DIP2C: variants seen among roughly 807,000 people sequenced by gnomAD.
DIP2C encodes DIP2 acetate--CoA ligase C (putative), also known as disco-interacting protein 2 homolog C.
DIP2C carries 33 observed loss-of-function variants against 192.4 expected under a neutral mutation model. The observed-to-expected ratio is 0.17, with a 90% CI of 0.13 to 0.23. The LOEUF is 0.23. DIP2C is among the 10% of genes least tolerant of loss of function. DIP2C has a pLI of 1.00. For missense variants in DIP2C, 1,537 were observed against 2,110.1 expected (o/e 0.73, Z 5.32); for synonymous variants, 979 against 864.1 (o/e 1.13, Z -2.33).
chr10:471,835 C>T (rs1970654943), intron 3 of DIP2C, among the ~76,000 whole-genome samples: 1 of 152,120 alleles, frequency 6.6e-6, no homozygotes, highest in South Asian at 2.1e-4. Flanking sequence ...TCACTGCAAC[C>T]TCCGCCTCCC....
intron 1 of DIP2C, among the ~76,000 whole-genome samples, chr10:526,907 C>A (rs956777612): frequency 6.6e-6 from 1 of 152,200 alleles, no homozygotes; most frequent in South Asian, 2.1e-4. Flanking sequence ...ACCAGCCCTC[C>A]GCCTGTCCAG....
chr10:459,697 T>C (rs941826451), intron 3 of DIP2C, among the ~76,000 whole-genome samples: 2 of 149,380 alleles, frequency 1.3e-5, no homozygotes, highest in African/African-American at 5.0e-5. Flanking sequence ...ACGTGGGCTC[T>C]AGGATCTTCC....
chr10:408,947 G>C lies in DIP2C; in HGVS notation c.1128C>G (p.Pro376=). 6.2e-7 allele frequency: 1 copy of C among 1,614,222 alleles called. No homozygotes were observed. Among genetic ancestry groups the C allele is most frequent in the Middle Eastern group, 1.6e-4 (1 of 6,062 alleles). Residue 376 remains proline, a synonymous_variant, in exon 9 of 37, where the codon CCC becomes CCG. Coordinates refer to ENST00000280886, the MANE Select transcript of DIP2C (RefSeq NM_014974.3). The part of the protein sequence containing the change: ...ILHKLGTKQE[P]MVRPGDRVAL... ...TTACCCTATCTCCAGGCCGGACCAT[G>C]GGTTCCTGCTTTGTGCCTAATTTGT...
At chr10:414,843 CAT>C (rs1473315737) in intron 7 of DIP2C, among the ~76,000 whole-genome samples, 9 of 110,742 alleles carry the variant, frequency 8.1e-5, no homozygotes, top group African/African-American at 1.8e-4. Flanking sequence ...TATACACACA[CAT>C]ATATATTTGT....
intron 1 of DIP2C, among the ~76,000 whole-genome samples, chr10:642,136 C>T (rs1855226082): frequency 6.6e-6 from 1 of 152,164 alleles, no homozygotes; most frequent in African/African-American, 2.4e-5. Flanking sequence ...CTTCCTACAC[C>T]CCTTCTAAGG....
chr10:643,459 A>T (rs1855305526), intron 1 of DIP2C, among the ~76,000 whole-genome samples: 1 of 152,102 alleles, frequency 6.6e-6, no homozygotes, highest in Non-Finnish European at 1.5e-5. Flanking sequence ...GCCTGCAGTG[A>T]ACTGAGATCG....
In DIP2C at chr10:387,708, C is replaced by A. The variant is rs770510691; in HGVS notation, c.1662+37G>T. On this transcript the variant is annotated intron_variant, in intron 14 of 36. Coordinates refer to ENST00000280886, the MANE Select transcript of DIP2C (RefSeq NM_014974.3). ...ACAGGCAGGGCAGGGTGGGGGACTC[C>A]TTTGTGGACAGACACGGCCGGGGGG... The A allele has an allele frequency of 3.1e-6, 5 of 1,611,604 alleles. No individual in the cohort carries two copies. In the African/African-American group the frequency reaches 6.7e-5, roughly 22 times the overall value.
chr10:303,354 TAAG>T (rs986230704), intron 32 of DIP2C, among the ~76,000 whole-genome samples: 2 of 152,232 alleles, frequency 1.3e-5, no homozygotes, highest in Non-Finnish European at 2.9e-5. Context: ...ACTAAATCTA[TAAG>T]AAAATTCCCT....
rs115500999 is a variant in DIP2C, at chr10:363,576, G to A, written c.2478-265C>T. On this transcript the variant is annotated intron_variant, in intron 20 of 36. Transcript: ENST00000280886. The surrounding 1 kb of genome is among the most constrained non-coding windows in gnomAD (Gnocchi z 5.4). ...CCGCGGGCTCTGGTGACCAGGTTGCGCCTTTCGGTACAGAGGGGCAAATGC... is the reference window on the plus strand; with the variant it reads ...CCGCGGGCTCTGGTGACCAGGTTGCACCTTTCGGTACAGAGGGGCAAATGC... Among the ~76,000 whole-genome samples the A allele has an allele frequency of 0.01, 1,524 of 152,288 alleles. 24 individuals carry two copies. The highest frequency in any genetic ancestry group is 0.029 in the African/African-American group (1,192 of 41,552).
At position 336,895 on chromosome 10, in the gene DIP2C, GGTGT is replaced by G. The variant is rs112539860; in HGVS notation, c.3584+4300_3584+4303del. Among the ~76,000 whole-genome samples the G allele has an allele frequency of 5.2e-3, 481 of 91,746 alleles. 11 individuals are homozygous for G. Among genetic ancestry groups the G allele is most frequent in the African/African-American group, 0.012 (351 of 29,714 alleles). 60.2% of individuals were successfully genotyped at this position (91,746 alleles called of 152,430 possible). A position where few individuals can be genotyped will look rare whatever the true frequency, so the allele number is the denominator to read the frequency against. ...TGCGCGTGTTGTGGAGGCCTAGGCA[GGTGT>G]GTGTGTGTGTGTGTGTGTGTGTTGT... On this transcript the variant is annotated intron_variant, in intron 29 of 36. Coordinates refer to ENST00000280886, the MANE Select transcript of DIP2C (RefSeq NM_014974.3).
intron 1 of DIP2C, among the ~76,000 whole-genome samples, chr10:598,882 T>C (rs1049499123): frequency 6.6e-6 from 1 of 152,254 alleles, no homozygotes; most frequent in Admixed American, 6.5e-5. Context: ...ACTAGCAGAA[T>C]AGAGCCATGT....
At chr10:551,725 C>G (rs146952691) in intron 1 of DIP2C, among the ~76,000 whole-genome samples, 5 of 152,312 alleles carry the variant, frequency 3.3e-5, no homozygotes, top group Non-Finnish European at 7.4e-5. Context: ...AGCCATCTTG[C>G]CCACACAGGT....
chr10:542,352 T>TG (rs1481490697), intron 1 of DIP2C, among the ~76,000 whole-genome samples: 2 of 152,224 alleles, frequency 1.3e-5, no homozygotes, highest in Non-Finnish European at 2.9e-5. Context: ...CCTCCTCTCC[T>TG]GGCAGAGCTT....
chr10:490,654 A>G (rs1844368663), intron 1 of DIP2C, among the ~76,000 whole-genome samples: 3 of 152,176 alleles, frequency 2.0e-5, no homozygotes, highest in South Asian at 2.1e-4. Flanking sequence ...CAAGGTACCC[A>G]TTTATTTAAT....
chr10:334,959 A>C (rs1957686642), intron 29 of DIP2C, among the ~76,000 whole-genome samples: 1 of 152,166 alleles, frequency 6.6e-6, no homozygotes, highest in Non-Finnish European at 1.5e-5. Flanking sequence ...TTTCTGCCCC[A>C]AAAAACCCCC....
intron 1 of DIP2C, among the ~76,000 whole-genome samples, chr10:558,745 C>G (rs578110167): frequency 2.6e-5 from 4 of 152,288 alleles, no homozygotes; most frequent in Admixed American, 2.6e-4. Context: ...ACCAATAATT[C>G]CCATCTCGCC....
At chr10:337,650 T>A (rs1481569796) in intron 29 of DIP2C, among the ~76,000 whole-genome samples, 1 of 140,852 alleles carries the variant, frequency 7.1e-6, no homozygotes, top group Admixed American at 7.2e-5. Context: ...TGTGGAGGCG[T>A]AGGCCGGTGT....
At chr10:380,056 C>CAT (rs1347106616) in intron 17 of DIP2C, among the ~76,000 whole-genome samples, 1 of 151,882 alleles carries the variant, frequency 6.6e-6, no homozygotes, top group Non-Finnish European at 1.5e-5. Flanking sequence ...AGATGGTTAA[C>CAT]ACGCAGAAGA....
rs1483868883 is a variant in DIP2C at position 422,035 on chromosome 10, T to C, written c.604+789A>G. 2.5e-5 allele frequency among the ~76,000 whole-genome samples: 3 copies of C among 121,422 alleles called. No homozygotes were observed. The East Asian group carries it at 8.0e-4, about 32-fold the overall frequency. 79.7% of individuals were successfully genotyped at this position (121,422 alleles called of 152,430 possible). ...ACAATGACGTGCACCTGCTTCCCAC[T>C]GATGATTTTTTCAGGGATCAGGTTT... On this transcript the variant is annotated intron_variant, in intron 5 of 36. Coordinates refer to ENST00000280886, the MANE Select transcript of DIP2C (RefSeq NM_014974.3).
Sources: allele counts gnomAD v4.1 joint callset (sites outside exome capture counted in the v4.1 genomes callset), GRCh38; gene constraint gnomAD v4.1.1; non-coding constraint Gnocchi (gnomAD v3.1); transcripts MANE v1.5; gene names NCBI Gene and HGNC (gene_info 2026-07-23, HGNC 2026-07-21).